Variants in ZBTB39 observed in about 807,000 individuals in gnomAD.
The protein encoded by ZBTB39 is zinc finger and BTB domain containing 39, also known as zinc finger and BTB domain-containing protein 39.
Under a neutral mutation model 39.4 loss-of-function variants are expected in ZBTB39, and 25 were observed. The observed-to-expected ratio is 0.63, with a 90% confidence interval of 0.46 to 0.89. The LOEUF (loss-of-function observed/expected upper bound fraction) is 0.89. Among genes scored for constraint, ZBTB39 ranks in the 40% least tolerant of loss-of-function variants. ZBTB39 has a pLI of 0.00. For missense variants in ZBTB39, 891 were observed against 909.7 expected, an observed-to-expected ratio of 0.98 and a Z score of 0.26; for synonymous variants, 373 against 359.6, an observed-to-expected ratio of 1.04 and a Z score of -0.42.
rs112935646 is a variant in ZBTB39 at position 57,004,301 on chromosome 12, G to A, written c.617C>T (p.Pro206Leu). ...SLHLPQPPPPPPKTEDHDTPA... is the reference protein window; with the variant it reads ...SLHLPQPPPPLPKTEDHDTPA... ...GGTGTCATGGTCTTCTGTCTTTGGC[G>A]GTGGTGGGGGCGGTTGCGGCAGATG... Residue 206 changes from proline to leucine, a missense_variant, in exon 2 of 2, where the codon CCG becomes CTG. Pro to Leu is a moderately conservative substitution (Grantham distance 98). Coordinates refer to ENST00000300101, the MANE Select transcript of ZBTB39 (RefSeq NM_014830.3). 608 of 1,614,208 alleles carry A rather than the reference G, an allele frequency of 3.8e-4. 4 individuals carry two copies. In the African/African-American group the frequency reaches 6.9e-3, roughly 18 times the overall value.
intron 1 of ZBTB39, among the ~76,000 whole-genome samples, 165 bp downstream of exon 1, chr12:57,006,240 G>C (rs1368845325): frequency 6.6e-6 from 1 of 151,980 alleles, no homozygotes; most frequent in Admixed American, 6.5e-5. Context: ...GGCTGAATAA[G>C]GGGCCAAGCG....
At position 57,003,835 on chromosome 12, in the gene ZBTB39, C is replaced by A. The variant is rs770826621; in HGVS notation, c.1083G>T (p.Gln361His). Residue 361 changes from glutamine (Q) to histidine (H), a missense_variant, in exon 2 of 2, where the codon CAG (glutamine) becomes CAT (histidine). Physicochemically the swap from Gln to His is conservative, Grantham distance 24 (BLOSUM62 0). Transcript: ENST00000300101. This position sits in a 1 kb window ranked among gnomAD's most constrained non-coding sequence, Gnocchi z 4.8. ...VLEPNIQLIR[Q>H]HARDHVDLLT... ...GCAGGTCCACATGGTCCCGAGCATG[C>A]TGCCGGATCAGTTGAATGTTGGGCT... is the stretch of plus-strand genomic sequence containing the variant. The A allele has an allele frequency of 7.4e-6, 12 of 1,614,216 alleles. No homozygotes were observed. The highest frequency in any genetic ancestry group is 1.6e-4 in the Middle Eastern group (1 of 6,062).
intron 1 of ZBTB39, among the ~76,000 whole-genome samples, chr12:57,005,719 TA>T (rs1956241074): frequency 6.6e-6 from 1 of 152,208 alleles, no homozygotes; most frequent in Admixed American, 6.5e-5. Context: ...GTCCCTGCAC[TA>T]ACAGATTTAC....
Position 57,004,410 on chromosome 12 carries a change from T to G in ZBTB39, c.508A>C (p.Arg170=), listed in dbSNP as rs764117082. The G allele has an allele frequency of 6.2e-7, 1 of 1,614,186 alleles. No individual in the cohort carries two copies. The highest frequency in any genetic ancestry group is 1.1e-5 in the South Asian group (1 of 91,088). The change falls in exon 2 of 2, where the codon AGA becomes CGA. Residue 170 remains arginine, a synonymous_variant. Transcript: ENST00000300101. ...GCATCACTGGGCAACACATAGTTTC[T>G]ATCAGCACCAAGGTAGTCCCCACCA... The part of the protein sequence containing the change: ...RGGGDYLGAD[R]NYVLPSDAGG...
At position 57,004,480 on chromosome 12, in the gene ZBTB39, A is replaced by T; in HGVS notation, c.438T>A (p.Ser146Arg). 1 of 1,614,148 alleles carries T rather than the reference A, an allele frequency of 6.2e-7. No individual in the cohort carries two copies. The highest frequency in any genetic ancestry group is 8.5e-7 in the Non-Finnish European group (1 of 1,180,018). The change falls in exon 2 of 2, where the codon AGT becomes AGA. Residue 146 changes from serine to arginine, a missense_variant. Coordinates refer to ENST00000300101, the MANE Select transcript of ZBTB39 (RefSeq NM_014830.3). ...GATGGGCAGGTTCTGCCGAAGGACA[A>T]CTCAGGGTACCAGAGTGGCTCTCAC... is the stretch of plus-strand genomic sequence containing the variant. ...STSESHSGTLSCPSAEPAHPL... is the reference protein window; with the variant it reads ...STSESHSGTLRCPSAEPAHPL...
At position 57,000,073 on chromosome 12, in the gene ZBTB39, C is replaced by A. The variant is rs1475811058; in HGVS notation, c.*2706G>T. ...ACCAGGTATCCCAGGGTGCCCTCTG[C>A]CACAATATAGTGTTTCAAGCAAAAC... On this transcript the variant is annotated 3_prime_UTR_variant, in exon 2 of 2. Coordinates refer to ENST00000300101, the MANE Select transcript of ZBTB39 (RefSeq NM_014830.3). 1 of 152,180 alleles carries A rather than the reference C, an allele frequency of 6.6e-6. No homozygotes were observed. The highest frequency in any genetic ancestry group is 1.5e-5 in the Non-Finnish European group (1 of 68,002). The allele number at this position is 152,180 out of a possible 1,614,324, so 9.4% of individuals were successfully genotyped here. A position where few individuals can be genotyped will look rare whatever the true frequency, so the allele number is the denominator to read the frequency against.
At chr12:57,006,106 C>T (rs1449165573) in intron 1 of ZBTB39, among the ~76,000 whole-genome samples, 2 of 152,172 alleles carry the variant, frequency 1.3e-5, no homozygotes, top group Non-Finnish European at 2.9e-5. Flanking sequence ...GTCTCCCCTC[C>T]GGAGTCGCAT....
Position 57,004,884 on chromosome 12 carries a change from G to A in ZBTB39, c.34C>T (p.His12Tyr). 1.9e-6 allele frequency: 3 copies of A among 1,608,346 alleles called. No individual in the cohort carries two copies. The highest frequency in any genetic ancestry group is 2.6e-6 in the Non-Finnish European group (3 of 1,176,202). ...GMRIKLQSTNHPNNLLKELNK... is the reference protein window; with the variant it reads ...GMRIKLQSTNYPNNLLKELNK... The stretch of plus-strand genomic sequence containing the variant: ...AGTTCCTTCAGCAGGTTGTTGGGGT[G>A]GTTGGTGCTTTGCAGTTTGATCCTC... The change falls in exon 2 of 2, where the codon CAC (histidine) becomes TAC (tyrosine). Residue 12 changes from histidine (H) to tyrosine (Y), a missense_variant. Coordinates refer to ENST00000300101, the MANE Select transcript of ZBTB39 (RefSeq NM_014830.3).
rs1303701964 is a variant in ZBTB39 at position 57,003,345 on chromosome 12, T to C, written c.1573A>G (p.Lys525Glu). The change falls in exon 2 of 2, where the codon AAG (lysine) becomes GAG (glutamate). Residue 525 changes from lysine (K) to glutamate (E), a missense_variant. Lys to Glu is a moderately conservative substitution (Grantham distance 56, BLOSUM62 1). Coordinates refer to ENST00000300101, the MANE Select transcript of ZBTB39 (RefSeq NM_014830.3). This position sits in a 1 kb window ranked among gnomAD's most constrained non-coding sequence, Gnocchi z 4.8. ...AGACTTTGGTGCACAGCCATGTGCT[T>C]CTCTAGAAGATGCCAGTCCACAAAG... is the stretch of plus-strand genomic sequence containing the variant. Reference protein sequence around the residue: ...NSFVDWHLLEKHMAVHQSLED... With the variant: ...NSFVDWHLLEEHMAVHQSLED... 6.2e-7 allele frequency: 1 copy of C among 1,613,914 alleles called. No homozygotes were observed. Among genetic ancestry groups the C allele is most frequent in the East Asian group, 2.2e-5 (1 of 44,880 alleles).
Position 57,004,931 on chromosome 12 carries a change from A to G in ZBTB39, c.-14T>C, listed in dbSNP as rs1956236509. 1.9e-6 allele frequency: 3 copies of G among 1,570,958 alleles called. No individual in the cohort carries two copies. The highest frequency in any genetic ancestry group is 2.7e-5 in the African/African-American group (2 of 74,032). On this transcript the variant is annotated 5_prime_UTR_variant, in exon 2 of 2. The change abolishes the stop of an existing upstream ORF in the 5' untranslated region. Coordinates refer to ENST00000300101, the MANE Select transcript of ZBTB39 (RefSeq NM_014830.3). ...CCTCATGCCCATCTTAGCAGCTCCT[A>G]TGAAATTACCTCCTTATCAGCACAG...
intron 1 of ZBTB39, 115 bp downstream of exon 1, chr12:57,006,290 G>T (rs1331683406): frequency 2.6e-5 from 4 of 153,182 alleles, no homozygotes; most frequent in South Asian, 1.8e-4. Context: ...CGCGGGCGGG[G>T]AGGATGGGTC....
rs148107198 is a variant in ZBTB39, at chr12:57,004,864, C to G, written c.54G>C (p.Lys18Asn). ...CTGAGAGCCGGCACTTGTTGAGTTCCTTCAGCAGGTTGTTGGGGTGGTTGG... is the reference window on the plus strand; with the variant it reads ...CTGAGAGCCGGCACTTGTTGAGTTCGTTCAGCAGGTTGTTGGGGTGGTTGG... ...QSTNHPNNLL[K>N]ELNKCRLSET... The change falls in exon 2 of 2, where the codon AAG becomes AAC. Residue 18 changes from lysine (K) to asparagine (N), a missense_variant. By Grantham distance (94) the Lys-to-Asn change is moderately conservative. Transcript: ENST00000300101. 6.2e-7 allele frequency: 1 copy of G among 1,612,692 alleles called. No homozygotes were observed. Among genetic ancestry groups the G allele is most frequent in the Non-Finnish European group, 8.5e-7 (1 of 1,178,996 alleles).
In ZBTB39 at chr12:57,004,173, C is replaced by T; in HGVS notation, c.745G>A (p.Val249Ile). 6.2e-7 allele frequency: 1 copy of T among 1,614,166 alleles called. No homozygotes were observed. The highest frequency in any genetic ancestry group is 8.5e-7 in the Non-Finnish European group (1 of 1,180,036). The change falls in exon 2 of 2, where the codon GTT becomes ATT. Residue 249 changes from valine (V) to isoleucine (I), a missense_variant. By Grantham distance (29) the Val-to-Ile change is conservative (BLOSUM62 3). Coordinates refer to ENST00000300101, the MANE Select transcript of ZBTB39 (RefSeq NM_014830.3). ...TTACTGAAGTCTCCATTGCTTTGAACTTTGTATGGCTGGCAGGAGCTCGTG... is the reference window on the plus strand; with the variant it reads ...TTACTGAAGTCTCCATTGCTTTGAATTTTGTATGGCTGGCAGGAGCTCGTG... ...TSTSSCQPYK[V>I]QSNGDFSKNS... is the part of the protein sequence containing the mutation.
chr12:57,003,400 T>A lies in ZBTB39; in HGVS notation c.1518A>T (p.Ser506=). 1 of 1,614,152 alleles carries A rather than the reference T, an allele frequency of 6.2e-7. No homozygotes were observed. Among genetic ancestry groups the A allele is most frequent in the South Asian group, 1.1e-5 (1 of 91,070 alleles). ...TCGCACAGACAGAACAGGAGAAGAC[T>A]GAGATGCCGAGATGGGACAGCGTGT... is the stretch of plus-strand genomic sequence containing the variant. ...MWHTLSHLGI[S]VFSCSVCANS... Residue 506 remains serine (S), a synonymous_variant, in exon 2 of 2, where the codon TCA becomes TCT. Transcript: ENST00000300101. This position sits in a 1 kb window ranked among gnomAD's most constrained non-coding sequence, Gnocchi z 4.8.
rs1592452092 is a variant in ZBTB39 at position 57,004,427 on chromosome 12, T to C, written c.491A>G (p.Asp164Gly). 1 of 1,614,196 alleles carries C rather than the reference T, an allele frequency of 6.2e-7. No individual in the cohort carries two copies. Among genetic ancestry groups the C allele is most frequent in the Non-Finnish European group, 8.5e-7 (1 of 1,180,030 alleles). Residue 164 changes from aspartate (D) to glycine (G), a missense_variant, in exon 2 of 2, where the codon GAC becomes GGC. Asp to Gly is a moderately conservative substitution (Grantham distance 94). Transcript: ENST00000300101. ...ATAGTTTCTATCAGCACCAAGGTAG[T>C]CCCCACCACCTCGGAGTTCTCCAAG... is the stretch of plus-strand genomic sequence containing the variant. ...HPLGELRGGG[D>G]YLGADRNYVL...
At chr12:57,005,622 AAGT>A (rs1956240465) in intron 1 of ZBTB39, among the ~76,000 whole-genome samples, 1 of 152,214 alleles carries the variant, frequency 6.6e-6, no homozygotes, top group Admixed American at 6.5e-5. Context: ...ACAGTAAGAA[AAGT>A]AGAACACAAC....
Position 57,003,605 on chromosome 12 carries a change from C to A in ZBTB39, c.1313G>T (p.Gly438Val), listed in dbSNP as rs755215458. 2 of 1,614,084 alleles carry A rather than the reference C, an allele frequency of 1.2e-6. No homozygotes were observed. The highest frequency in any genetic ancestry group is 1.7e-6 in the Non-Finnish European group (2 of 1,179,920). The part of the protein sequence containing the change: ...IIVHPNDPLP[G>V]KLGLFSGAAS... ...TGCCCCTGAAAAGAGACCCAGCTTCCCTGGCAGGGGATCGTTGGGGTGGAC... is the reference window on the plus strand; with the variant it reads ...TGCCCCTGAAAAGAGACCCAGCTTCACTGGCAGGGGATCGTTGGGGTGGAC... Residue 438 changes from glycine (G) to valine (V), a missense_variant, in exon 2 of 2, where the codon GGG (glycine) becomes GTG (valine). Physicochemically the swap from Gly to Val is moderately radical, Grantham distance 109 (BLOSUM62 -3). Transcript: ENST00000300101. The surrounding 1 kb of genome is among the most constrained non-coding windows in gnomAD (Gnocchi z 4.8).
intron 1 of ZBTB39, among the ~76,000 whole-genome samples, 191 bp from the exon 2 acceptor site, chr12:57,005,152 A>C (rs1454920331): frequency 6.6e-6 from 1 of 152,196 alleles, no homozygotes; most frequent in Non-Finnish European, 1.5e-5. Context: ...AAGAGTTATG[A>C]CAAAAACCAA....
Position 57,003,546 on chromosome 12 carries a change from T to A in ZBTB39, c.1372A>T (p.Lys458Ter), listed in dbSNP as rs781584094. 6.2e-7 allele frequency: 1 copy of A among 1,614,140 alleles called. No individual in the cohort carries two copies. The highest frequency in any genetic ancestry group is 8.5e-7 in the Non-Finnish European group (1 of 1,179,972). The part of the protein sequence containing the change: ...SPELKCAACG[K>*]VLAKDFHVVR... ...ACATGGAAATCTTTGGCCAATACTT[T>A]CCCACAGGCAGCGCATTTCAGCTCT... Residue 458 changes from lysine to a stop codon, truncating the protein, a stop_gained, in exon 2 of 2, where the codon AAA becomes TAA. Coordinates refer to ENST00000300101, the MANE Select transcript of ZBTB39 (RefSeq NM_014830.3). LOFTEE classifies it high-confidence loss of function. This position sits in a 1 kb window ranked among gnomAD's most constrained non-coding sequence, Gnocchi z 4.8.
Sources: gnomAD v4.1 joint callset for allele counts (sites outside exome capture counted in the v4.1 genomes callset) on GRCh38, gnomAD v4.1.1 for gene constraint, Gnocchi (gnomAD v3.1) non-coding constraint, MANE v1.5 for transcripts, NCBI Gene and HGNC (gene_info 2026-07-23, HGNC 2026-07-21) for gene names.